PLS1: variants seen among roughly 807,000 people sequenced by gnomAD.
The protein encoded by PLS1 is plastin 1, also known as plastin-1.
Under a neutral mutation model 73.7 loss-of-function variants are expected in PLS1, and 32 were observed. That is an observed-to-expected ratio of 0.43 (90% CI 0.33 to 0.58). PLS1 has a LOEUF of 0.58. Ranked by LOEUF, PLS1 falls within the 20% of genes least tolerant of loss-of-function variation. The probability of loss-of-function intolerance (pLI) is 0.04; values close to 1 mark genes in which losing one functional copy is unlikely to be tolerated. For missense variants in PLS1, 633 were observed against 740.5 expected, an observed-to-expected ratio of 0.85 and a Z score of 1.68; for synonymous variants, 217 against 261.3, an observed-to-expected ratio of 0.83 and a Z score of 1.63.
intron 1 of PLS1, among the ~76,000 whole-genome samples, chr3:142,604,590 A>G (rs1255163132): frequency 1.3e-5 from 2 of 152,228 alleles, no homozygotes; most frequent in East Asian, 3.8e-4. Flanking sequence ...AAAAACAACA[A>G]TAATAGCAAT....
At chr3:142,681,394 G>A (rs1253926808) in intron 6 of PLS1, among the ~76,000 whole-genome samples, 8 of 152,060 alleles carry the variant, frequency 5.3e-5, no homozygotes, top group African/African-American at 1.9e-4. Context: ...AATTGCAACT[G>A]GAAATAGGCT....
chr3:142,634,187 C>A (rs1349598761), intron 1 of PLS1, among the ~76,000 whole-genome samples: 2 of 152,098 alleles, frequency 1.3e-5, no homozygotes, highest in Non-Finnish European at 2.9e-5. Context: ...TGCATGATAA[C>A]TTTAAGTGGT....
chr3:142,612,202 C>T (rs1250668893), intron 1 of PLS1, among the ~76,000 whole-genome samples: 1 of 152,214 alleles, frequency 6.6e-6, no homozygotes, highest in Non-Finnish European at 1.5e-5. Flanking sequence ...TAACTTGTTT[C>T]TGTCCATGAG....
intron 1 of PLS1, among the ~76,000 whole-genome samples, chr3:142,635,838 C>G (rs951395402): frequency 6.6e-5 from 10 of 152,020 alleles, no homozygotes; most frequent in Admixed American, 6.6e-4. Context: ...CTAGTGCTAC[C>G]TGATTTCTAG....
chr3:142,675,768 C>G (rs747897446), intron 4 of PLS1, among the ~76,000 whole-genome samples: 110 of 152,074 alleles, frequency 7.2e-4, no homozygotes, highest in Non-Finnish European at 4.3e-4. Flanking sequence ...CTCCACCCCC[C>G]GGTTCAAGCA....
At chr3:142,601,976 A>G (rs1399539533) in intron 1 of PLS1, among the ~76,000 whole-genome samples, 1 of 152,184 alleles carries the variant, frequency 6.6e-6, no homozygotes, top group African/African-American at 2.4e-5. Context: ...ATATCTTAAC[A>G]AAAATGCAAA....
At chr3:142,643,809 T>C (rs2036891146) in intron 1 of PLS1, among the ~76,000 whole-genome samples, 1 of 150,570 alleles carries the variant, frequency 6.6e-6, no homozygotes, top group African/African-American at 2.4e-5. Flanking sequence ...TCTGCTCTTG[T>C]TAATTTCTTC....
intron 6 of PLS1, among the ~76,000 whole-genome samples, chr3:142,679,484 C>CTACA (rs2037800924): frequency 6.6e-6 from 1 of 152,034 alleles, no homozygotes; most frequent in East Asian, 1.9e-4. Flanking sequence ...TTTCAGCTTT[C>CTACA]TACATATGGC....
chr3:142,610,044 T>G (rs761605261), intron 1 of PLS1, among the ~76,000 whole-genome samples: 56 of 152,216 alleles, frequency 3.7e-4, no homozygotes, highest in Middle Eastern at 3.2e-3. Context: ...AATTTTTGTA[T>G]TTTTAGTAGA....
At chr3:142,665,657 C>T (rs1453010693) in intron 2 of PLS1, among the ~76,000 whole-genome samples, 1 of 152,070 alleles carries the variant, frequency 6.6e-6, no homozygotes, top group Admixed American at 6.6e-5. Context: ...AAAAGTTCTA[C>T]CCAGGTCTTG....
At chr3:142,640,998 A>C (rs2036820543) in intron 1 of PLS1, among the ~76,000 whole-genome samples, 1 of 151,794 alleles carries the variant, frequency 6.6e-6, no homozygotes, top group Non-Finnish European at 1.5e-5. Flanking sequence ...AAAAAACAAA[A>C]ACAAAACAAA....
intron 4 of PLS1, among the ~76,000 whole-genome samples, chr3:142,674,370 A>G (rs2037674290): frequency 1.3e-5 from 2 of 152,094 alleles, no homozygotes; most frequent in South Asian, 2.1e-4. Flanking sequence ...GTGTGTATGT[A>G]TGTGTGGTGG....
At chr3:142,633,791 CTT>C (rs760607454) in intron 1 of PLS1, among the ~76,000 whole-genome samples, 1 of 152,200 alleles carries the variant, frequency 6.6e-6, no homozygotes, top group Non-Finnish European at 1.5e-5. Context: ...TTTACAGTGT[CTT>C]TCATCCAGTA....
At chr3:142,645,932 C>T (rs2036944005) in intron 1 of PLS1, among the ~76,000 whole-genome samples, 1 of 152,120 alleles carries the variant, frequency 6.6e-6, no homozygotes, top group African/African-American at 2.4e-5. Context: ...TCTAGGGCAG[C>T]TTCTAACAGG....
In PLS1 at chr3:142,661,555, A is replaced by G. The variant is rs545727159; in HGVS notation, c.-36-2647A>G. 1.1e-4 allele frequency among the ~76,000 whole-genome samples: 17 copies of G among 152,330 alleles called. No individual in the cohort carries two copies. The East Asian group carries it at 1.9e-3, about 17-fold the overall frequency. The stretch of plus-strand genomic sequence containing the variant: ...CTCTTAGAGGGCTTCACACAATTTA[A>G]TTTTTCAATGATCAATGAAATTTCA... On this transcript the variant is annotated intron_variant, in intron 1 of 15. Coordinates refer to ENST00000457734, the MANE Select transcript of PLS1 (RefSeq NM_001145319.2).
chr3:142,623,612 C>T (rs1469668682), intron 1 of PLS1: 1 of 152,146 alleles, frequency 6.6e-6, no homozygotes, highest in Non-Finnish European at 1.5e-5. Context: ...CCTCGGATTC[C>T]AGGCTGCTTT....
intron 1 of PLS1, among the ~76,000 whole-genome samples, chr3:142,659,613 A>G (rs1331579458): frequency 6.6e-6 from 1 of 151,744 alleles, no homozygotes; most frequent in Non-Finnish European, 1.5e-5. Flanking sequence ...GCCTCTTCCT[A>G]GTCTGCCTCA....
intron 13 of PLS1, 54 bp downstream of exon 13, chr3:142,704,055 T>G (rs1422666676): frequency 8.0e-6 from 12 of 1,508,542 alleles, no homozygotes; most frequent in Non-Finnish European, 1.1e-5. Context: ...ACAAGTAATC[T>G]GAACCAAATT....
chr3:142,600,666 C>T (rs550584268), intron 1 of PLS1, among the ~76,000 whole-genome samples: 1 of 151,808 alleles, frequency 6.6e-6, no homozygotes, highest in African/African-American at 2.4e-5. Flanking sequence ...ACAGCCTTTC[C>T]ATTGAGCTGC....
Sources: gnomAD v4.1 joint callset for allele counts (sites outside exome capture counted in the v4.1 genomes callset) on GRCh38, gnomAD v4.1.1 for gene constraint, MANE v1.5 for transcripts, NCBI Gene and HGNC (gene_info 2026-07-23, HGNC 2026-07-21) for gene names.